SLC60A2: variants seen among roughly 807,000 people sequenced by gnomAD.
SLC60A2 encodes the protein solute carrier family 60 member 2.
At chr6:111,277,194 T>C in the SLC60A2 span, among the ~76,000 whole-genome samples, 6 of 152,252 alleles carry the variant, frequency 3.9e-5, no homozygotes, top group East Asian at 1.2e-3. Context: ...TTCATAAATA[T>C]TGGTAATCGA....
chr6:111,278,004 C>G, the SLC60A2 span: 1 of 152,328 alleles, frequency 6.6e-6, no homozygotes, highest in East Asian at 1.9e-4. Context: ...TTGCAGTGAA[C>G]TCTGCCCCCA....
At chr6:111,265,747 G>T in the SLC60A2 span, 1 of 722,232 alleles carries the variant, frequency 1.4e-6, no homozygotes, top group Non-Finnish European at 2.2e-6. Flanking sequence ...TGCAATGTTT[G>T]ATAATTAGAA....
chr6:111,267,009 T>C, the SLC60A2 span: 2 of 1,614,236 alleles, frequency 1.2e-6, no homozygotes, highest in Non-Finnish European at 1.7e-6. Flanking sequence ...AGCTGAAGTC[T>C]ATAATCAATA....
chr6:111,265,852 AT>A, the SLC60A2 span: 2 of 1,550,536 alleles, frequency 1.3e-6, no homozygotes, highest in South Asian at 2.5e-5. Flanking sequence ...AACTTAAATA[AT>A]TTTTCCCATC....
chr6:111,273,239 C>G, the SLC60A2 span, among the ~76,000 whole-genome samples: 1 of 152,134 alleles, frequency 6.6e-6, no homozygotes, highest in Non-Finnish European at 1.5e-5. Flanking sequence ...CAGTCTCAAG[C>G]TTTTAGGCTC....
the SLC60A2 span, chr6:111,269,187 CTT>C: frequency 6.6e-6 from 1 of 151,978 alleles, no homozygotes; most frequent in East Asian, 1.9e-4. Context: ...CCTTCTTGCT[CTT>C]TTTATTTTTA....
chr6:111,263,484 T>A, the SLC60A2 span, among the ~76,000 whole-genome samples: 1 of 151,736 alleles, frequency 6.6e-6, no homozygotes. Flanking sequence ...GTCTATTTAA[T>A]TTTTTGCCTC....
chr6:111,268,825 G>A, the SLC60A2 span: 2 of 152,206 alleles, frequency 1.3e-5, no homozygotes, highest in Non-Finnish European at 2.9e-5. Context: ...AAATACCTGG[G>A]AAACCAGTTA....
the SLC60A2 span, chr6:111,262,483 T>C: frequency 6.7e-7 from 1 of 1,501,848 alleles, no homozygotes; most frequent in Non-Finnish European, 9.2e-7. Context: ...ACAAGTTGTC[T>C]TTGAAAATAT....
At chr6:111,265,889 T>C in the SLC60A2 span, 1 of 1,609,586 alleles carries the variant, frequency 6.2e-7, no homozygotes, top group Non-Finnish European at 8.5e-7. Flanking sequence ...GTAACGTCCT[T>C]ATCTTGGCTA....
At chr6:111,275,660 G>A in the SLC60A2 span, among the ~76,000 whole-genome samples, 5 of 151,996 alleles carry the variant, frequency 3.3e-5, no homozygotes, top group African/African-American at 4.8e-5. Flanking sequence ...CACCCACCTC[G>A]GCCTCCCAAA....
At chr6:111,262,163 G>GC in the SLC60A2 span, 857 of 987,702 alleles carry the variant, frequency 8.7e-4, 1 homozygote, top group Middle Eastern at 1.8e-3. Flanking sequence ...CAGACCCTCC[G>GC]CCCCCCTTTT....
At chr6:111,259,878 G>T in the SLC60A2 span, 9 of 388,570 alleles carry the variant, frequency 2.3e-5, no homozygotes, top group East Asian at 5.6e-5. Flanking sequence ...GGAGGAAATA[G>T]ATTTTCTGAA....
At chr6:111,279,875 C>T in the SLC60A2 span, among the ~76,000 whole-genome samples, 1 of 152,108 alleles carries the variant, frequency 6.6e-6, no homozygotes, top group African/African-American at 2.4e-5. Flanking sequence ...AGGAGTTCAA[C>T]ACTGCAGTGA....
the SLC60A2 span, chr6:111,268,338 G>A: frequency 6.7e-6 from 1 of 149,646 alleles, no homozygotes; most frequent in African/African-American, 2.4e-5. Context: ...ATCAGAATGT[G>A]TCTTACAATC....
At chr6:111,266,440 A>T in the SLC60A2 span, 5 of 1,614,190 alleles carry the variant, frequency 3.1e-6, no homozygotes, top group Non-Finnish European at 4.2e-6. Context: ...ACCTGTTTAC[A>T]GCCTGGAACC....
At chr6:111,266,368 G>A in the SLC60A2 span, 4 of 1,614,012 alleles carry the variant, frequency 2.5e-6, 1 homozygote, top group Admixed American at 3.3e-5. Context: ...GAAGCTGCTG[G>A]GTTGAACTCC....
chr6:111,261,900 T>A, the SLC60A2 span, among the ~76,000 whole-genome samples: 2 of 152,164 alleles, frequency 1.3e-5, no homozygotes, highest in Non-Finnish European at 2.9e-5. Context: ...CCAATTTAAA[T>A]TTTTAATACC....
chr6:111,264,466 C>T, the SLC60A2 span, among the ~76,000 whole-genome samples: 1 of 152,036 alleles, frequency 6.6e-6, no homozygotes, highest in African/African-American at 2.4e-5. Flanking sequence ...GCAGTAGATT[C>T]TTTCCCGTAT....
Sources: gnomAD v4.1 joint callset for allele counts (sites outside exome capture counted in the v4.1 genomes callset) on GRCh38, gnomAD v4.1.1 for gene constraint, MANE v1.5 for transcripts, NCBI Gene and HGNC (gene_info 2026-07-23, HGNC 2026-07-21) for gene names.